The following SLC2A9 variants were observed in gnomAD, a reference collection of about 807,000 sequenced individuals.
SLC2A9 encodes the protein solute carrier family 2 member 9, also known as solute carrier family 2, facilitated glucose transporter member 9.
Under a neutral mutation model 50.6 loss-of-function variants are expected in SLC2A9, and 39 were observed. The observed-to-expected ratio is 0.77, with a 90% CI of 0.60 to 1.01. The LOEUF is 1.01. SLC2A9 is among the 50% of genes least tolerant of loss of function. The pLI is 0.00. For missense variants in SLC2A9, 686 were observed against 677.6 expected, an observed-to-expected ratio of 1.01 and a Z score of -0.14; for synonymous variants, 324 against 276.9, an observed-to-expected ratio of 1.17 and a Z score of -1.69.
chr4:10,036,059 C>A, intron 1 of SLC2A9: 1 of 202,368 alleles, frequency 4.9e-6, no homozygotes, highest in South Asian at 1.0e-4. Context: ...ACTTCTCAGC[C>A]TCCATAATCA....
At chr4:9,956,221 C>T (rs894609248) in intron 5 of SLC2A9, among the ~76,000 whole-genome samples, 3 of 151,862 alleles carry the variant, frequency 2.0e-5, no homozygotes, top group Non-Finnish European at 4.4e-5. Context: ...CAGTGGCTCA[C>T]GCCTGTAATC....
intron 3 of SLC2A9, among the ~76,000 whole-genome samples, chr4:9,781,081 G>T (rs758105246): frequency 1.3e-5 from 2 of 152,034 alleles, no homozygotes; most frequent in African/African-American, 2.4e-5. Flanking sequence ...GTTGAGAGAG[G>T]GGCTGGGGGA....
At position 9,954,253 on chromosome 4, in the gene SLC2A9, G is replaced by A. The variant is rs559182539; in HGVS notation, c.682-12208C>T. The stretch of plus-strand genomic sequence containing the variant: ...GTGCCCAGCCAATGCCCAGTTCTTA[G>A]TAACACTCACTCAACAGCTGTCACT... On this transcript the variant is annotated intron_variant, in intron 5 of 11. Transcript: ENST00000264784. Among the ~76,000 whole-genome samples the A allele has an allele frequency of 2.0e-5, 3 of 152,372 alleles. No homozygotes were observed. The East Asian group carries it at 5.8e-4, about 29-fold the overall frequency.
At position 10,018,967 on chromosome 4, in the gene SLC2A9, G is replaced by GCACTCACCGGGGTGGGGGCATT. The variant is rs1384770878; in HGVS notation, c.235_249+7dup. The GCACTCACCGGGGTGGGGGCATT allele has an allele frequency of 5.2e-6, 8 of 1,549,080 alleles. No individual in the cohort carries two copies. The African/African-American group carries it at 1.1e-4, about 21-fold the overall frequency. On this transcript the variant is annotated splice_region_variant and intron_variant, in intron 2 of 11. Coordinates refer to ENST00000264784, the MANE Select transcript of SLC2A9 (RefSeq NM_020041.3). ...AGCGCCCTCTGCCGGGCCTTGGCGC[G>GCACTCACCGGGGTGGGGGCATT]CACTCACCGGGGTGGGGGCATTCAC...
At chr4:9,906,438 T>C (rs1219939487) in intron 8 of SLC2A9, among the ~76,000 whole-genome samples, 2 of 152,146 alleles carry the variant, frequency 1.3e-5, no homozygotes, top group Non-Finnish European at 2.9e-5. Flanking sequence ...TATGATACAC[T>C]TCAACAAAAA....
intron 7 of SLC2A9, 43 bp downstream of exon 7, chr4:9,920,341 TC>T (rs747805797): frequency 6.2e-7 from 1 of 1,608,858 alleles, no homozygotes; most frequent in Non-Finnish European, 8.5e-7. Context: ...CACCCTCTGA[TC>T]CCTCCAGTCA....
chr4:9,874,747 G>A (rs866152427), intron 10 of SLC2A9, among the ~76,000 whole-genome samples: 8 of 152,226 alleles, frequency 5.3e-5, no homozygotes, highest in African/African-American at 1.4e-4. Context: ...GTTCTCACAG[G>A]TTAGTGTCTA....
intron 5 of SLC2A9, among the ~76,000 whole-genome samples, chr4:9,943,113 G>A (rs1748497948): frequency 6.6e-6 from 1 of 152,162 alleles, no homozygotes; most frequent in African/African-American, 2.4e-5. Context: ...GGGAGGCAGG[G>A]CTTCCCTCTG....
At chr4:9,806,019 A>T (rs1363807807) in intron 3 of SLC2A9, among the ~76,000 whole-genome samples, 1 of 152,172 alleles carries the variant, frequency 6.6e-6, no homozygotes, top group Non-Finnish European at 1.5e-5. Flanking sequence ...GGCTCCAGGG[A>T]TTGCTCTTCT....
intron 8 of SLC2A9, 40 bp downstream of exon 8, chr4:9,908,195 C>T (rs754341360): frequency 7.4e-7 from 1 of 1,347,814 alleles, no homozygotes; most frequent in Non-Finnish European, 1.1e-6. Context: ...GCTGTGTAAC[C>T]CCCTGTGGCA....
intron 10 of SLC2A9, among the ~76,000 whole-genome samples, chr4:9,839,786 T>C (rs1727729442): frequency 6.6e-6 from 1 of 151,964 alleles, no homozygotes; most frequent in Non-Finnish European, 1.5e-5. Context: ...TGAGAACAAA[T>C]GGACACATAG....
chr4:9,913,969 C>T (rs1294379175), intron 7 of SLC2A9, among the ~76,000 whole-genome samples: 2 of 152,196 alleles, frequency 1.3e-5, no homozygotes, highest in African/African-American at 4.8e-5. Flanking sequence ...AATCCCCAAA[C>T]CTATCCCCTA....
Position 9,927,958 on chromosome 4 carries a change from T to C in SLC2A9, c.815-7386A>G, listed in dbSNP as rs147819274. Among the ~76,000 whole-genome samples, 698 of 152,298 alleles carry C rather than the reference T, an allele frequency of 4.6e-3. 6 individuals carry two copies. Among genetic ancestry groups the C allele is most frequent in the African/African-American group, 0.016 (663 of 41,564 alleles). ...TCAATTGAATTAACCCCAATGAATA[T>C]ACAGGTGGCTTGTAAAGAATCCCCA... On this transcript the variant is annotated intron_variant, in intron 6 of 11. Coordinates refer to ENST00000264784, the MANE Select transcript of SLC2A9 (RefSeq NM_020041.3).
intron 1 of SLC2A9, among the ~76,000 whole-genome samples, chr4:9,771,629 C>A (rs1266827356): frequency 1.3e-5 from 2 of 152,224 alleles, no homozygotes; most frequent in African/African-American, 2.4e-5. Flanking sequence ...GATGACTTCA[C>A]CTTGAGTGGT....
intron 6 of SLC2A9, among the ~76,000 whole-genome samples, chr4:9,935,153 A>G (rs1746837181): frequency 6.6e-6 from 1 of 152,226 alleles, no homozygotes; most frequent in Admixed American, 6.5e-5. Context: ...AATGATTTAT[A>G]TTCCTTTGGG....
chr4:9,997,143 G>C (rs372540970), intron 2 of SLC2A9, among the ~76,000 whole-genome samples: 1 of 152,134 alleles, frequency 6.6e-6, no homozygotes, highest in South Asian at 2.1e-4. Context: ...ATTCAAATGA[G>C]CATTTTTTTT....
intron 5 of SLC2A9, among the ~76,000 whole-genome samples, chr4:9,966,757 T>C (rs1291989741): frequency 6.6e-6 from 1 of 152,188 alleles, no homozygotes. Flanking sequence ...TATTAAAACA[T>C]GGTGTAATGT....
chr4:10,009,995 C>T (rs1049160197), intron 2 of SLC2A9, among the ~76,000 whole-genome samples: 9 of 152,182 alleles, frequency 5.9e-5, no homozygotes, highest in Non-Finnish European at 1.2e-4. Flanking sequence ...TCATGGCAGA[C>T]CTCTCAGAAT....
At chr4:9,872,689 C>T (rs559896637) in intron 10 of SLC2A9, among the ~76,000 whole-genome samples, 1 of 152,192 alleles carries the variant, frequency 6.6e-6, no homozygotes, top group East Asian at 1.9e-4. Context: ...TACTAACCTC[C>T]AGCTATAACA....
Sources: allele counts gnomAD v4.1 joint callset (sites outside exome capture counted in the v4.1 genomes callset), GRCh38; gene constraint gnomAD v4.1.1; transcripts MANE v1.5; gene names NCBI Gene and HGNC (gene_info 2026-07-23, HGNC 2026-07-21).